INPP4B: variants seen among roughly 807,000 people sequenced by gnomAD.
The protein encoded by INPP4B is inositol polyphosphate-4-phosphatase type II B.
Under a neutral mutation model 122.5 loss-of-function variants are expected in INPP4B, and 55 were observed. The ratio of observed to expected loss-of-function variants is 0.45; its 90% CI spans 0.36 to 0.56. The LOEUF (loss-of-function observed/expected upper bound fraction) is 0.56, where lower values mean the gene tolerates loss of function less well. Among genes scored for constraint, INPP4B ranks in the 20% least tolerant of loss-of-function variants. The pLI, the probability that INPP4B is intolerant of heterozygous loss-of-function variation, is 0.00. For synonymous variants in INPP4B, 403 were observed against 388.7 expected, an observed-to-expected ratio of 1.04 and a Z score of -0.43; for missense variants, 1,000 against 1,097.7, an observed-to-expected ratio of 0.91 and a Z score of 1.26.
At chr4:142,054,036 C>T (rs1180560214) in intron 25 of INPP4B, among the ~76,000 whole-genome samples, 1 of 134,230 alleles carries the variant, frequency 7.4e-6, no homozygotes, top group South Asian at 2.4e-4. Flanking sequence ...TAATTCTAAT[C>T]GACCCTCACC....
At chr4:142,697,736 A>C (rs547115033) in intron 2 of INPP4B, among the ~76,000 whole-genome samples, 3 of 152,318 alleles carry the variant, frequency 2.0e-5, no homozygotes, top group African/African-American at 7.2e-5. Context: ...ATCATGAGTT[A>C]TTCAGATTTC....
chr4:142,189,534 G>A (rs1351321938), intron 15 of INPP4B, among the ~76,000 whole-genome samples: 1 of 152,110 alleles, frequency 6.6e-6, no homozygotes, highest in Non-Finnish European at 1.5e-5. Context: ...TTAGGGAGGA[G>A]AGCCAAATCA....
At chr4:142,698,552 T>A (rs1761310922) in intron 2 of INPP4B, among the ~76,000 whole-genome samples, 1 of 152,180 alleles carries the variant, frequency 6.6e-6, no homozygotes, top group Admixed American at 6.6e-5. Context: ...CTAATTTTTC[T>A]AACTCCCATT....
chr4:142,825,319 G>A (rs760281942), intron 1 of INPP4B, among the ~76,000 whole-genome samples: 1 of 152,064 alleles, frequency 6.6e-6, no homozygotes, highest in Non-Finnish European at 1.5e-5. Flanking sequence ...TGTTTTAGAT[G>A]CTAAATCACA....
chr4:142,285,687 G>C (rs1041439816), intron 9 of INPP4B, among the ~76,000 whole-genome samples: 1 of 152,088 alleles, frequency 6.6e-6, no homozygotes, highest in South Asian at 2.1e-4. Context: ...ACGTATCAGA[G>C]TAAAGTTGGA....
At chr4:142,471,974 T>C (rs1328824203) in intron 2 of INPP4B, among the ~76,000 whole-genome samples, 1 of 151,956 alleles carries the variant, frequency 6.6e-6, no homozygotes, top group Non-Finnish European at 1.5e-5. Context: ...CTACAAATTA[T>C]TTTTTTTCAG....
At chr4:142,746,098 A>G (rs1159183552) in intron 1 of INPP4B, among the ~76,000 whole-genome samples, 1 of 152,046 alleles carries the variant, frequency 6.6e-6, no homozygotes, top group Non-Finnish European at 1.5e-5. Context: ...CCTTTACCTA[A>G]TTAGTAGTTA....
intron 17 of INPP4B, among the ~76,000 whole-genome samples, chr4:142,148,389 G>A (rs1368407751): frequency 1.3e-5 from 2 of 151,926 alleles, no homozygotes; most frequent in Non-Finnish European, 2.9e-5. Flanking sequence ...AATTTTTGTA[G>A]TTTTTGCAGA....
At chr4:142,615,520 T>C (rs1184958561) in intron 2 of INPP4B, among the ~76,000 whole-genome samples, 3 of 152,120 alleles carry the variant, frequency 2.0e-5, no homozygotes, top group African/African-American at 7.2e-5. Context: ...CCTGTAGGGA[T>C]GTGTGAGTTA....
chr4:142,453,509 A>T (rs2149525495), intron 3 of INPP4B, among the ~76,000 whole-genome samples: 1 of 152,274 alleles, frequency 6.6e-6, no homozygotes, highest in Non-Finnish European at 1.5e-5. Context: ...TTAAAATTTT[A>T]TCTTCTGCTT....
chr4:142,568,879 C>G (rs1465863828), intron 2 of INPP4B, among the ~76,000 whole-genome samples: 2 of 152,006 alleles, frequency 1.3e-5, no homozygotes, highest in African/African-American at 4.8e-5. Flanking sequence ...ATTTTATAGG[C>G]ATATGGAACA....
intron 17 of INPP4B, among the ~76,000 whole-genome samples, chr4:142,158,434 C>T (rs1818357936): frequency 6.6e-6 from 1 of 152,080 alleles, no homozygotes; most frequent in Non-Finnish European, 1.5e-5. Flanking sequence ...GTGAATAAGG[C>T]AGAACAGGTA....
At position 142,619,010 on chromosome 4, in the gene INPP4B, G is replaced by A. The variant is rs544320828; in HGVS notation, c.-191+106829C>T. Among the ~76,000 whole-genome samples the A allele has an allele frequency of 2.0e-5, 3 of 151,994 alleles. No homozygotes were observed. The South Asian group carries it at 6.2e-4, about 32-fold the overall frequency. ...TGCTGCCCAACATCACTCATCACCAGGTAAACGCAAATCAACACCACATTG... is the reference window on the plus strand; with the variant it reads ...TGCTGCCCAACATCACTCATCACCAAGTAAACGCAAATCAACACCACATTG... On this transcript the variant is annotated intron_variant, in intron 2 of 25. Coordinates refer to ENST00000262992, the MANE Select transcript of INPP4B (RefSeq NM_001101669.3).
intron 9 of INPP4B, among the ~76,000 whole-genome samples, chr4:142,286,453 CAG>C (rs1251088338): frequency 6.6e-6 from 1 of 152,042 alleles, no homozygotes; most frequent in Non-Finnish European, 1.5e-5. Flanking sequence ...TTTCCAATTC[CAG>C]AGAGATTGCT....
At chr4:142,237,221 A>C (rs1334214161) in intron 12 of INPP4B, among the ~76,000 whole-genome samples, 1 of 152,180 alleles carries the variant, frequency 6.6e-6, no homozygotes, top group East Asian at 1.9e-4. Context: ...AGAAGTCCAA[A>C]GGAGAGTCAA....
intron 1 of INPP4B, among the ~76,000 whole-genome samples, chr4:142,826,602 G>T (rs1781496733): frequency 6.6e-6 from 1 of 151,706 alleles, no homozygotes; most frequent in South Asian, 2.1e-4. Flanking sequence ...TACAATATCT[G>T]CCCTCCTGAA....
intron 3 of INPP4B, among the ~76,000 whole-genome samples, chr4:142,433,995 T>C (rs1809883928): frequency 6.6e-6 from 1 of 152,166 alleles, no homozygotes; most frequent in Admixed American, 6.5e-5. Flanking sequence ...GATTTCTTAG[T>C]GATTACATGT....
intron 2 of INPP4B, among the ~76,000 whole-genome samples, chr4:142,537,985 T>A (rs1329348050): frequency 6.6e-6 from 1 of 152,092 alleles, no homozygotes; most frequent in Admixed American, 6.5e-5. Flanking sequence ...AGAATATCAT[T>A]TTTAATACCT....
At chr4:142,308,953 A>G (rs555805468) in intron 8 of INPP4B, among the ~76,000 whole-genome samples, 125 of 152,238 alleles carry the variant, frequency 8.2e-4, no homozygotes, top group Non-Finnish European at 1.6e-3. Context: ...ACTGCTAAGC[A>G]CTGTCACTTC....
Sources: gnomAD v4.1 joint callset for allele counts (sites outside exome capture counted in the v4.1 genomes callset) on GRCh38, gnomAD v4.1.1 for gene constraint, MANE v1.5 for transcripts, NCBI Gene and HGNC (gene_info 2026-07-23, HGNC 2026-07-21) for gene names.